NEO1: variants seen among roughly 807,000 people sequenced by gnomAD.
NEO1 encodes neogenin 1.
Under a neutral mutation model 159.7 loss-of-function variants are expected in NEO1, and 63 were observed. That is an observed-to-expected ratio of 0.39 (90% CI 0.32 to 0.49). The LOEUF is 0.49. Among genes scored for constraint, NEO1 ranks in the 20% least tolerant of loss-of-function variants. The probability of loss-of-function intolerance (pLI) is 0.85; values close to 1 mark genes in which losing one functional copy is unlikely to be tolerated. For missense variants in NEO1, 1,615 were observed against 1,831.0 expected (o/e 0.88, Z 2.15); for synonymous variants, 633 against 662.0 (o/e 0.96, Z 0.67).
At chr15:73,241,539 G>A (rs2039486715) in intron 8 of NEO1, among the ~76,000 whole-genome samples, 1 of 152,122 alleles carries the variant, frequency 6.6e-6, no homozygotes, top group African/African-American at 2.4e-5. Context: ...AGAAAGTGAG[G>A]CCCAGAAAGC....
At chr15:73,272,283 ATTC>A (rs1190582473) in intron 18 of NEO1, among the ~76,000 whole-genome samples, 169 bp from the exon 19 acceptor site, 1 of 152,126 alleles carries the variant, frequency 6.6e-6, no homozygotes, top group Admixed American at 6.5e-5. Context: ...TACTCTGAAT[ATTC>A]TTCTTTTGAT....
intron 1 of NEO1, among the ~76,000 whole-genome samples, chr15:73,080,751 C>T (rs9972555): frequency 0.019 from 2,942 of 152,048 alleles, 157 homozygotes; most frequent in East Asian, 0.19. Flanking sequence ...TGTCAGGGGT[C>T]ATCTCTTCTC....
rs1224643747 is a variant in NEO1 at position 73,303,311 on chromosome 15, G to A, written c.*615G>A. 2 of 152,434 alleles carry A rather than the reference G, an allele frequency of 1.3e-5. No homozygotes were observed. The highest frequency in any genetic ancestry group is 4.8e-5 in the African/African-American group (2 of 41,364). The allele number at this position is 152,434 out of a possible 1,614,324, so 9.4% of individuals were successfully genotyped here. ...AGCTGTTAATCCATCACTCTGAGGG[G>A]GAGGAAATGTTGCATTGCTGTTTGT... On this transcript the variant is annotated 3_prime_UTR_variant, in exon 29 of 29. Coordinates refer to ENST00000261908, the MANE Select transcript of NEO1 (RefSeq NM_002499.4).
At chr15:73,273,649 T>G (rs2041276884) in intron 19 of NEO1, among the ~76,000 whole-genome samples, 162 bp from the exon 20 acceptor site, 1 of 152,228 alleles carries the variant, frequency 6.6e-6, no homozygotes, top group African/African-American at 2.4e-5. Context: ...AGGCAATTCC[T>G]GGTTTTCAAA....
At position 73,064,520 on chromosome 15, in the gene NEO1, A is replaced by G. The variant is rs185915994; in HGVS notation, c.130+11715A>G. ...CACTCTGTTGCCTAGGCTGGAGTGC[A>G]GTGGTGTGGTCTGAGCTCACTGTAA... On this transcript the variant is annotated intron_variant, in intron 1 of 28. Transcript: ENST00000261908. Among the ~76,000 whole-genome samples the G allele has an allele frequency of 5.3e-5, 8 of 152,322 alleles. No individual in the cohort carries two copies. In the East Asian group the frequency reaches 1.5e-3, roughly 29 times the overall value.
At chr15:73,225,571 G>A (rs1307612012) in intron 7 of NEO1, among the ~76,000 whole-genome samples, 1 of 152,086 alleles carries the variant, frequency 6.6e-6, no homozygotes, top group Admixed American at 6.5e-5. Context: ...TGTCAGGGAA[G>A]TGGTGGAAAG....
intron 2 of NEO1, among the ~76,000 whole-genome samples, chr15:73,120,868 C>T (rs536746897): frequency 3.4e-4 from 52 of 152,092 alleles, no homozygotes; most frequent in African/African-American, 1.1e-3. Flanking sequence ...TCATTTTAAA[C>T]GTAGGGAGTA....
At chr15:73,268,340 A>G (rs759429806) in intron 16 of NEO1, among the ~76,000 whole-genome samples, 3 of 152,364 alleles carry the variant, frequency 2.0e-5, no homozygotes, top group Non-Finnish European at 4.4e-5. Flanking sequence ...CCTACTAGCT[A>G]GAAATACACA....
chr15:73,250,429 C>T (rs77513301), intron 11 of NEO1, among the ~76,000 whole-genome samples: 2,000 of 152,146 alleles, frequency 0.013, 45 homozygotes, highest in African/African-American at 0.044. Context: ...ACCGCTCTTA[C>T]GTAAACACAC....
At chr15:73,206,706 C>T (rs2037248829) in intron 7 of NEO1, among the ~76,000 whole-genome samples, 2 of 152,148 alleles carry the variant, frequency 1.3e-5, no homozygotes, top group Non-Finnish European at 2.9e-5. Context: ...CTTTTTTCCT[C>T]TGCCAGATTT....
intron 1 of NEO1, among the ~76,000 whole-genome samples, chr15:73,094,403 C>G (rs1001573824): frequency 6.6e-6 from 1 of 152,064 alleles, no homozygotes; most frequent in African/African-American, 2.4e-5. Context: ...TATTTCATTC[C>G]TTTTTATGGC....
Position 73,109,264 on chromosome 15 carries a change from C to T in NEO1, c.131-7276C>T, listed in dbSNP as rs191194782. Among the ~76,000 whole-genome samples the T allele has an allele frequency of 6.7e-4, 102 of 152,192 alleles. 1 individual carries two copies. The highest frequency in any genetic ancestry group is 2.6e-3 in the Admixed American group (40 of 15,270). ...TGAATAGTTAACTATTTATTGAGGACGTGTTATCTGCCAAGCAGTGAGGAA... is the reference window on the plus strand; with the variant it reads ...TGAATAGTTAACTATTTATTGAGGATGTGTTATCTGCCAAGCAGTGAGGAA... On this transcript the variant is annotated intron_variant, in intron 1 of 28. Transcript: ENST00000261908.
At chr15:73,239,049 G>A (rs929500365) in intron 8 of NEO1, among the ~76,000 whole-genome samples, 1 of 151,944 alleles carries the variant, frequency 6.6e-6, no homozygotes, top group Non-Finnish European at 1.5e-5. Flanking sequence ...GGGTTTCACC[G>A]TGTTAGCCAG....
chr15:73,109,822 A>G (rs192659964), intron 1 of NEO1, among the ~76,000 whole-genome samples: 119 of 152,274 alleles, frequency 7.8e-4, no homozygotes, highest in Admixed American at 1.4e-3. Context: ...AATATTAACA[A>G]TTAATTGCAT....
At chr15:73,181,664 G>C (rs1380795960) in intron 7 of NEO1, among the ~76,000 whole-genome samples, 2 of 152,036 alleles carry the variant, frequency 1.3e-5, no homozygotes, top group Non-Finnish European at 2.9e-5. Flanking sequence ...ACCAGATCTT[G>C]TGAGAACTCA....
intron 3 of NEO1, among the ~76,000 whole-genome samples, chr15:73,124,515 T>C (rs1269300379): frequency 3.9e-5 from 6 of 152,160 alleles, no homozygotes; most frequent in African/African-American, 1.2e-4. Flanking sequence ...CCTACTCTTT[T>C]CTCCCTCACT....
rs28706640 is a variant in NEO1 at position 73,177,764 on chromosome 15, C to T, written c.1171-543C>T. 8.6e-3 allele frequency among the ~76,000 whole-genome samples: 1,312 copies of T among 152,214 alleles called. 23 individuals are homozygous for T. The highest frequency in any genetic ancestry group is 0.03 in the African/African-American group (1,239 of 41,536). ...CTGTGTTGCTCAGTCTGGTCTTCAG[C>T]GCCTGGGCTCAAGTGATACTCCTGC... On this transcript the variant is annotated intron_variant, in intron 6 of 28. Transcript: ENST00000261908.
chr15:73,144,699 A>G (rs2032733397), intron 5 of NEO1, among the ~76,000 whole-genome samples: 1 of 152,186 alleles, frequency 6.6e-6, no homozygotes, highest in African/African-American at 2.4e-5. Context: ...GTCAAGCTTC[A>G]GACATTTGCA....
At chr15:73,190,417 T>C (rs59692823) in intron 7 of NEO1, among the ~76,000 whole-genome samples, 447 of 152,302 alleles carry the variant, frequency 2.9e-3, no homozygotes, top group African/African-American at 0.01. Context: ...ACTTACACTT[T>C]ACCAGCTCCT....
Sources: gnomAD v4.1 joint callset for allele counts (sites outside exome capture counted in the v4.1 genomes callset) on GRCh38, gnomAD v4.1.1 for gene constraint, MANE v1.5 for transcripts, NCBI Gene and HGNC (gene_info 2026-07-23, HGNC 2026-07-21) for gene names.